Variants in KLRG1 observed in about 807,000 individuals in gnomAD.
The protein encoded by KLRG1 is killer cell lectin-like receptor subfamily G member 1.
Under a neutral mutation model 21.8 loss-of-function variants are expected in KLRG1, and 16 were observed. The ratio of observed to expected loss-of-function variants is 0.73; its 90% CI spans 0.50 to 1.11. The LOEUF is 1.11. KLRG1 is among the 50% of genes most tolerant of loss of function. The pLI is 0.00. For missense variants in KLRG1, 173 were observed against 218.3 expected (o/e 0.79, Z 1.31); for synonymous variants, 69 against 75.9 (o/e 0.91, Z 0.47).
the KLRG1 span, among the ~76,000 whole-genome samples, chr12:9,188,489 T>A: frequency 6.6e-6 from 1 of 152,108 alleles, no homozygotes; most frequent in African/African-American, 2.4e-5. Flanking sequence ...CTCTCACCAC[T>A]CCTATTGAAC....
intron 3 of KLRG1, among the ~76,000 whole-genome samples, chr12:9,000,719 T>C (rs960262024): frequency 1.3e-5 from 2 of 152,234 alleles, no homozygotes; most frequent in African/African-American, 4.8e-5. Context: ...CTGAATAACA[T>C]TCTATTATAT....
At chr12:9,030,952 G>A in the KLRG1 span, among the ~76,000 whole-genome samples, 3 of 152,228 alleles carry the variant, frequency 2.0e-5, no homozygotes, top group African/African-American at 7.2e-5. Context: ...AGGGATTGCA[G>A]TGAGCACACC....
the KLRG1 span, among the ~76,000 whole-genome samples, chr12:9,179,420 A>G: frequency 6.6e-6 from 1 of 152,176 alleles, no homozygotes; most frequent in African/African-American, 2.4e-5. Context: ...AAATAAATAA[A>G]TCATCACGAC....
the KLRG1 span, chr12:9,107,493 T>C: frequency 1.9e-6 from 3 of 1,612,356 alleles, no homozygotes; most frequent in African/African-American, 2.7e-5. Flanking sequence ...CCTTTATCGC[T>C]ATTCTCTAGA....
the KLRG1 span, chr12:9,152,731 T>C: frequency 7.6e-7 from 1 of 1,318,728 alleles, no homozygotes; most frequent in Middle Eastern, 1.9e-4. Context: ...ATTATATTAA[T>C]CTAATAACAT....
chr12:9,166,346 A>G, the KLRG1 span: 2 of 742,302 alleles, frequency 2.7e-6, no homozygotes, highest in Non-Finnish European at 4.3e-6. Flanking sequence ...CTTGGGAAAT[A>G]CTTTGTGATC....
chr12:9,182,073 C>T, the KLRG1 span: 1 of 1,613,512 alleles, frequency 6.2e-7, no homozygotes, highest in East Asian at 2.2e-5. Flanking sequence ...GCAATGGGGG[C>T]AACGTCTGAC....
the KLRG1 span, chr12:9,158,626 A>C: frequency 6.3e-7 from 1 of 1,590,344 alleles, no homozygotes; most frequent in Admixed American, 1.7e-5. Context: ...TGAGCACTTT[A>C]CTGCTCTGTT....
chr12:9,102,361 C>T, the KLRG1 span, among the ~76,000 whole-genome samples: 1 of 152,104 alleles, frequency 6.6e-6, no homozygotes, highest in Non-Finnish European at 1.5e-5. Flanking sequence ...ACTACAGGTG[C>T]ATGCCACCCC....
chr12:9,112,016 T>A, the KLRG1 span: 3 of 830,958 alleles, frequency 3.6e-6, no homozygotes, highest in Non-Finnish European at 6.4e-6. Context: ...TGTTTTAGAT[T>A]AGGATCTTGT....
chr12:9,128,797 A>G, the KLRG1 span, among the ~76,000 whole-genome samples: 2 of 152,190 alleles, frequency 1.3e-5, no homozygotes, highest in African/African-American at 4.8e-5. Flanking sequence ...TTAACTTCCA[A>G]ACCAGTTTTT....
At chr12:9,046,777 A>G in the KLRG1 span, among the ~76,000 whole-genome samples, 1 of 152,252 alleles carries the variant, frequency 6.6e-6, no homozygotes, top group Non-Finnish European at 1.5e-5. Flanking sequence ...GATATAGGTC[A>G]GAAACTTGGA....
the KLRG1 span, among the ~76,000 whole-genome samples, chr12:9,212,893 A>C: frequency 3.9e-5 from 6 of 152,192 alleles, no homozygotes; most frequent in Non-Finnish European, 7.4e-5. Context: ...ACCACTATGA[A>C]ATTATGGAAC....
At chr12:9,021,915 A>G in the KLRG1 span, among the ~76,000 whole-genome samples, 1 of 151,234 alleles carries the variant, frequency 6.6e-6, no homozygotes, top group Non-Finnish European at 1.5e-5. Flanking sequence ...ACAGATAACT[A>G]TTTTTTTTTC....
At chr12:9,192,336 C>G in the KLRG1 span, 16 of 1,422,662 alleles carry the variant, frequency 1.1e-5, no homozygotes, top group South Asian at 1.8e-4. Flanking sequence ...GACCCACTTT[C>G]AGTTGTCAAG....
the KLRG1 span, among the ~76,000 whole-genome samples, chr12:9,186,917 T>A: frequency 1.3e-5 from 2 of 151,460 alleles, no homozygotes; most frequent in Non-Finnish European, 2.9e-5. Flanking sequence ...GGCTGATGGG[T>A]GCAGCAAACC....
the KLRG1 span, among the ~76,000 whole-genome samples, chr12:9,190,928 TGTAA>T: frequency 6.6e-6 from 1 of 152,136 alleles, no homozygotes; most frequent in Admixed American, 6.6e-5. Flanking sequence ...ATCATAGAGG[TGTAA>T]GTGCTTTTGA....
chr12:9,073,720 T>C, the KLRG1 span, among the ~76,000 whole-genome samples: 1 of 152,210 alleles, frequency 6.6e-6, no homozygotes, highest in African/African-American at 2.4e-5. Context: ...CATGGTTATA[T>C]AGCTAGATTT....
At chr12:9,034,859 G>A in the KLRG1 span, among the ~76,000 whole-genome samples, 2 of 152,168 alleles carry the variant, frequency 1.3e-5, no homozygotes, top group Admixed American at 6.5e-5. Context: ...CCAGAACAAG[G>A]CATTGTTATC....
Sources: allele counts gnomAD v4.1 joint callset (sites outside exome capture counted in the v4.1 genomes callset), GRCh38; gene constraint gnomAD v4.1.1; transcripts MANE v1.5; gene names NCBI Gene and HGNC (gene_info 2026-07-23, HGNC 2026-07-21).